The following SLX4IP variants were observed in gnomAD, a reference collection of about 807,000 sequenced individuals.
SLX4IP encodes the protein SLX4 interacting protein.
Under a neutral mutation model 32.9 loss-of-function variants are expected in SLX4IP, and 34 were observed. That is an observed-to-expected ratio of 1.03 (90% CI 0.79 to 1.38). The LOEUF (loss-of-function observed/expected upper bound fraction) is 1.38. SLX4IP is among the 40% of genes most tolerant of loss of function. The pLI, the probability that SLX4IP is intolerant of heterozygous loss-of-function variation, is 0.00. For synonymous variants in SLX4IP, 172 were observed against 171.7 expected (o/e 1.00, Z -0.01); for missense variants, 444 against 479.0 (o/e 0.93, Z 0.68).
At chr20:10,532,153 T>G (rs757402929) in intron 2 of SLX4IP, among the ~76,000 whole-genome samples, 57 of 152,020 alleles carry the variant, frequency 3.7e-4, no homozygotes, top group Non-Finnish European at 5.3e-4. Flanking sequence ...GGGGCAGAGG[T>G]TAAATGATCC....
At chr20:10,563,809 C>T (rs2066358052) in intron 4 of SLX4IP, among the ~76,000 whole-genome samples, 1 of 152,110 alleles carries the variant, frequency 6.6e-6, no homozygotes, top group African/African-American at 2.4e-5. Context: ...GTTACTATAG[C>T]TTTGTAGTAT....
intron 1 of SLX4IP, among the ~76,000 whole-genome samples, chr20:10,443,046 A>G (rs2065171425): frequency 6.6e-6 from 1 of 152,170 alleles, no homozygotes. Flanking sequence ...TCTTCTGGGT[A>G]TGTGTTTATA....
In SLX4IP at chr20:10,551,551, G is replaced by C. The variant is rs115462151; in HGVS notation, c.28-4680G>C. Among the ~76,000 whole-genome samples the C allele has an allele frequency of 5.8e-3, 880 of 152,218 alleles. 7 individuals carry two copies. The highest frequency in any genetic ancestry group is 0.02 in the African/African-American group (834 of 41,516). On this transcript the variant is annotated intron_variant, in intron 2 of 7. Transcript: ENST00000334534. ...AGGGCTGGTAGTGTGTTGGTCACTG[G>C]GGATGCAAGATTGGCAGAGGTATAG...
At chr20:10,518,374 T>C (rs1293044689) in intron 2 of SLX4IP, among the ~76,000 whole-genome samples, 1 of 144,240 alleles carries the variant, frequency 6.9e-6, no homozygotes, top group Non-Finnish European at 1.6e-5. Context: ...TTTCTCTCTC[T>C]CTTTCTTTCC....
rs1241387443 is a variant in SLX4IP at position 10,588,935 on chromosome 20, A to G, written c.239-9740A>G. Among the ~76,000 whole-genome samples, 8 of 152,346 alleles carry G rather than the reference A, an allele frequency of 5.3e-5. No homozygotes were observed. In the East Asian group the frequency reaches 1.2e-3, roughly 22 times the overall value. ...GTAAGAGAGATCTTTAAATGTTCTC[A>G]CTGCAAGAAAAAGAGAGATAACTAT... On this transcript the variant is annotated intron_variant, in intron 4 of 7. Coordinates refer to ENST00000334534, the MANE Select transcript of SLX4IP (RefSeq NM_001009608.3).
chr20:10,460,347 C>T (rs2065326345), intron 2 of SLX4IP, among the ~76,000 whole-genome samples: 1 of 152,220 alleles, frequency 6.6e-6, no homozygotes. Flanking sequence ...TTTATAATCT[C>T]TCCTGATTCT....
chr20:10,609,862 T>G (rs1281357263), intron 6 of SLX4IP, among the ~76,000 whole-genome samples: 1 of 152,144 alleles, frequency 6.6e-6, no homozygotes, highest in Non-Finnish European at 1.5e-5. Flanking sequence ...GTTTTCTCTA[T>G]TTTTTACAGA....
chr20:10,439,875 AG>A (rs1292027791), intron 1 of SLX4IP, among the ~76,000 whole-genome samples: 1 of 152,242 alleles, frequency 6.6e-6, no homozygotes, highest in African/African-American at 2.4e-5. Context: ...CCCCTTTGTC[AG>A]GGAGATGGGG....
chr20:10,511,775 G>A (rs950808528), intron 2 of SLX4IP, among the ~76,000 whole-genome samples: 2 of 152,190 alleles, frequency 1.3e-5, no homozygotes, highest in Non-Finnish European at 2.9e-5. Flanking sequence ...TCACGTGACA[G>A]CCCTTCCTGT....
chr20:10,460,625 A>C (rs142331044), intron 2 of SLX4IP, among the ~76,000 whole-genome samples: 224 of 152,246 alleles, frequency 1.5e-3, no homozygotes, highest in African/African-American at 5.1e-3. Context: ...AAGAAGTATA[A>C]TTTGTCAGTC....
chr20:10,613,691 G>T, intron 6 of SLX4IP: 1 of 1,613,048 alleles, frequency 6.2e-7, no homozygotes, highest in Non-Finnish European at 8.5e-7. Flanking sequence ...TGACAAAGGC[G>T]TTATAGGATG....
chr20:10,498,221 A>G (rs6039991), intron 2 of SLX4IP, among the ~76,000 whole-genome samples: 18,204 of 151,108 alleles, frequency 0.12, 1,352 homozygotes, highest in Non-Finnish European at 0.17. Context: ...TAGCTGAGCC[A>G]GTGGGCAGCT....
chr20:10,524,804 C>T lies in SLX4IP; in HGVS notation c.28-31427C>T, dbSNP rs563184762. The stretch of plus-strand genomic sequence containing the variant: ...CTCGAAAATGAGGTAATGATTCATG[C>T]TTGCTCACATCTGAAGCTCAGTACA... On this transcript the variant is annotated intron_variant, in intron 2 of 7. Transcript: ENST00000334534. Among the ~76,000 whole-genome samples, 6 of 152,314 alleles carry T rather than the reference C, an allele frequency of 3.9e-5. No individual in the cohort carries two copies. The South Asian group carries it at 1.0e-3, about 26-fold the overall frequency.
At chr20:10,594,522 C>T (rs1015869748) in intron 4 of SLX4IP, among the ~76,000 whole-genome samples, 4 of 152,180 alleles carry the variant, frequency 2.6e-5, no homozygotes, top group Non-Finnish European at 5.9e-5. Context: ...AAGCTCAAGT[C>T]GCCTTAGCTA....
At chr20:10,492,283 C>A (rs564002430) in intron 2 of SLX4IP, among the ~76,000 whole-genome samples, 22 of 152,266 alleles carry the variant, frequency 1.4e-4, no homozygotes, top group African/African-American at 5.3e-4. Context: ...GACTCAGGCT[C>A]AGCCTCAGCC....
intron 2 of SLX4IP, among the ~76,000 whole-genome samples, chr20:10,534,300 T>TGAGC (rs2066017602): frequency 6.6e-6 from 1 of 152,212 alleles, no homozygotes; most frequent in South Asian, 2.1e-4. Flanking sequence ...ATATACTTAT[T>TGAGC]GAGCACCTTC....
intron 2 of SLX4IP, among the ~76,000 whole-genome samples, chr20:10,498,551 A>G (rs534338786): frequency 1.3e-5 from 2 of 152,142 alleles, no homozygotes; most frequent in Non-Finnish European, 2.9e-5. Flanking sequence ...GTGTCTTAAC[A>G]CTGTAATATT....
intron 2 of SLX4IP, among the ~76,000 whole-genome samples, chr20:10,497,262 T>A (rs1443480851): frequency 6.6e-6 from 1 of 152,192 alleles, no homozygotes; most frequent in Non-Finnish European, 1.5e-5. Context: ...GTATGAAATT[T>A]TAGGTCAACA....
intron 4 of SLX4IP, among the ~76,000 whole-genome samples, chr20:10,593,455 C>T (rs1416580069): frequency 6.6e-6 from 1 of 152,050 alleles, no homozygotes; most frequent in East Asian, 1.9e-4. Flanking sequence ...AAAAGCTTAG[C>T]TGGGTGCAGT....
Sources: gnomAD v4.1 joint callset for allele counts (sites outside exome capture counted in the v4.1 genomes callset) on GRCh38, gnomAD v4.1.1 for gene constraint, MANE v1.5 for transcripts, NCBI Gene and HGNC (gene_info 2026-07-23, HGNC 2026-07-21) for gene names.